SCRT2: variants seen among roughly 807,000 people sequenced by gnomAD.
SCRT2 encodes the protein transcriptional repressor scratch 2.
In SCRT2, 2 loss-of-function variants were observed where a neutral mutation model predicts 3.7. That is an observed-to-expected ratio of 0.54 (90% CI 0.22 to 1.70). SCRT2 has a LOEUF of 1.70. SCRT2 is among the 40% of genes most tolerant of loss of function. The pLI is 0.19. For missense variants in SCRT2, 456 were observed against 468.5 expected, an observed-to-expected ratio of 0.97 and a Z score of 0.25; for synonymous variants, 256 against 220.6, an observed-to-expected ratio of 1.16 and a Z score of -1.42.
rs1200927369 is a variant in SCRT2 at position 661,994 on chromosome 20, G to C, written c.*1677C>G. Reference sequence around the variant, plus strand: ...GAGGATCTGAGAGTCCAGGACTCCTGCCCCCAAGCTGGCTGCAGAGCAATG... The same window carrying C: ...GAGGATCTGAGAGTCCAGGACTCCTCCCCCCAAGCTGGCTGCAGAGCAATG... On this transcript the variant is annotated 3_prime_UTR_variant, in exon 2 of 2. Transcript: ENST00000246104. The C allele has an allele frequency of 6.5e-6, 1 of 152,756 alleles. No individual in the cohort carries two copies. The highest frequency in any genetic ancestry group is 1.9e-4 in the East Asian group (1 of 5,190). The allele number at this position is 152,756 out of a possible 1,614,324, so 9.5% of individuals were successfully genotyped here.
rs1984205702 is a variant in SCRT2, at chr20:667,890, A to G, written c.134-3429T>C. Among the ~76,000 whole-genome samples, 1 of 152,146 alleles carries G rather than the reference A, an allele frequency of 6.6e-6. No homozygotes were observed. Among genetic ancestry groups the G allele is most frequent in the South Asian group, 2.1e-4 (1 of 4,824 alleles). On this transcript the variant is annotated intron_variant, in intron 1 of 1. Coordinates refer to ENST00000246104, the MANE Select transcript of SCRT2 (RefSeq NM_033129.4). The surrounding 1 kb of genome is among the most constrained non-coding windows in gnomAD (Gnocchi z 4.4). ...TTTCTGGGCGGAATCTATACATGAC[A>G]AAGATGGACTGGAATGGTCTAAAGA...
chr20:673,957 C>T (rs1200167746), intron 1 of SCRT2, among the ~76,000 whole-genome samples: 1 of 152,230 alleles, frequency 6.6e-6, no homozygotes, highest in Non-Finnish European at 1.5e-5. Context: ...GGTCCACCCT[C>T]TGTCCTGCCA....
At chr20:671,628 G>A (rs1568656900) in intron 1 of SCRT2, among the ~76,000 whole-genome samples, 3 of 152,202 alleles carry the variant, frequency 2.0e-5, no homozygotes, top group South Asian at 4.1e-4. Flanking sequence ...GCGACTACCC[G>A]GCACCATCAG....
At chr20:672,414 T>C (rs868098609) in intron 1 of SCRT2, among the ~76,000 whole-genome samples, 1 of 137,678 alleles carries the variant, frequency 7.3e-6, no homozygotes, top group Non-Finnish European at 1.5e-5. Flanking sequence ...TGTGTGTGTG[T>C]GTGTGTGTGC....
chr20:672,336 T>C (rs926570720), intron 1 of SCRT2, among the ~76,000 whole-genome samples: 1 of 152,042 alleles, frequency 6.6e-6, no homozygotes, highest in Admixed American at 6.5e-5. Context: ...CCCTCTGTTC[T>C]GCCTGGCGGT....
Position 675,590 on chromosome 20 carries a change from G to A in SCRT2, c.12C>T (p.Ser4=), listed in dbSNP as rs1984510302. The change falls in exon 1 of 2, where the codon TCC becomes TCT. Residue 4 remains serine (S), a synonymous_variant. Transcript: ENST00000246104. This position sits in a 1 kb window ranked among gnomAD's most constrained non-coding sequence, Gnocchi z 6.9. Reference sequence around the variant, plus strand: ...CCCCTTTGATCTTCTTTACCAGGAAGGAGCGCGGCATGGCGCGGCCGGCGC... The same window carrying A: ...CCCCTTTGATCTTCTTTACCAGGAAAGAGCGCGGCATGGCGCGGCCGGCGC... MPR[S]FLVKKIKGDG... The A allele has an allele frequency of 2.3e-6, 3 of 1,321,360 alleles. No individual in the cohort carries two copies. In the East Asian group the frequency reaches 8.6e-5, roughly 38 times the overall value. 81.9% of individuals were successfully genotyped at this position (1,321,360 alleles called of 1,614,324 possible). A position where few individuals can be genotyped will look rare whatever the true frequency, so the allele number is the denominator to read the frequency against.
chr20:663,643 T>G lies in SCRT2; in HGVS notation c.*28A>C, dbSNP rs1462821524. 8.7e-6 allele frequency: 12 copies of G among 1,374,556 alleles called. No individual in the cohort carries two copies. Among genetic ancestry groups the G allele is most frequent in the Non-Finnish European group, 1.1e-5 (12 of 1,071,956 alleles). The allele number at this position is 1,374,556 out of a possible 1,614,324, so 85.1% of individuals were successfully genotyped here. The stretch of plus-strand genomic sequence containing the variant: ...GGGCCCGGGGCGCGTGGAGAGCGAG[T>G]TCCGGGCGCGAGGGCGAGGCGGAAG... On this transcript the variant is annotated 3_prime_UTR_variant, in exon 2 of 2. Transcript: ENST00000246104. The surrounding 1 kb of genome is among the most constrained non-coding windows in gnomAD (Gnocchi z 6.9).
rs997100330 is a variant in SCRT2, at chr20:662,094, G to C, written c.*1577C>G. On this transcript the variant is annotated 3_prime_UTR_variant, in exon 2 of 2. Transcript: ENST00000246104. ...GAGGTGTGTGCTTCGGTCCTCGCCC[G>C]GGCATGCAAAAGCGCAGCGGAGGAG... 2 of 152,944 alleles carry C rather than the reference G, an allele frequency of 1.3e-5. No homozygotes were observed. Among genetic ancestry groups the C allele is most frequent in the Non-Finnish European group, 2.9e-5 (2 of 68,298 alleles). The allele number at this position is 152,944 out of a possible 1,614,324, so 9.5% of individuals were successfully genotyped here.
chr20:663,992 G>C lies in SCRT2; in HGVS notation c.603C>G (p.Leu201=). ...CGKAYVSMPA[L]AMHLLTHNLR... ...GGTTGTGCGTGAGCAGGTGCATGGCGAGCGCGGGCATGGACACGTAGGCCT... is the reference window on the plus strand; with the variant it reads ...GGTTGTGCGTGAGCAGGTGCATGGCCAGCGCGGGCATGGACACGTAGGCCT... Residue 201 remains leucine, a synonymous_variant, in exon 2 of 2, where the codon CTC becomes CTG. Coordinates refer to ENST00000246104, the MANE Select transcript of SCRT2 (RefSeq NM_033129.4). The surrounding 1 kb of genome is among the most constrained non-coding windows in gnomAD (Gnocchi z 6.9). 3 of 1,611,372 alleles carry C rather than the reference G, an allele frequency of 1.9e-6. No homozygotes were observed. Among genetic ancestry groups the C allele is most frequent in the African/African-American group, 1.3e-5 (1 of 75,018 alleles).
rs371804341 is a variant in SCRT2 at position 664,134 on chromosome 20, C to T, written c.461G>A (p.Arg154Gln). The T allele has an allele frequency of 4.1e-6, 6 of 1,463,624 alleles. No individual in the cohort carries two copies. In the African/African-American group the frequency reaches 5.8e-5, roughly 14 times the overall value. The allele number at this position is 1,463,624 out of a possible 1,614,324, so 90.7% of individuals were successfully genotyped here. Reference sequence around the variant, plus strand: ...CTTGCCGCACTCGGCGCACGCGTGCCGGTGCCCGCCGCCCGCCTGCGCCCC... The same window carrying T: ...CTTGCCGCACTCGGCGCACGCGTGCTGGTGCCCGCCGCCCGCCTGCGCCCC... ...RAGAQAGGGH[R>Q]HACAECGKTY... The change falls in exon 2 of 2, where the codon CGG (arginine) becomes CAG (glutamine). Residue 154 changes from arginine to glutamine, a missense_variant. Transcript: ENST00000246104. The surrounding 1 kb of genome is among the most constrained non-coding windows in gnomAD (Gnocchi z 7.9).
At chr20:671,833 C>T (rs561374697) in intron 1 of SCRT2, among the ~76,000 whole-genome samples, 2 of 152,190 alleles carry the variant, frequency 1.3e-5, no homozygotes, top group East Asian at 1.9e-4. Context: ...GAGGGCAGGA[C>T]AGGGCGGGGA....
At position 675,661 on chromosome 20, in the gene SCRT2, T is replaced by C. The variant is rs1165648447; in HGVS notation, c.-60A>G. 4.3e-5 allele frequency: 51 copies of C among 1,195,242 alleles called. No individual in the cohort carries two copies. Among genetic ancestry groups the C allele is most frequent in the Non-Finnish European group, 5.2e-5 (49 of 947,392 alleles). The allele number at this position is 1,195,242 out of a possible 1,614,324, so 74.0% of individuals were successfully genotyped here. On this transcript the variant is annotated 5_prime_UTR_variant, in exon 1 of 2. Coordinates refer to ENST00000246104, the MANE Select transcript of SCRT2 (RefSeq NM_033129.4). The surrounding 1 kb of genome is among the most constrained non-coding windows in gnomAD (Gnocchi z 6.9). Reference sequence around the variant, plus strand: ...GGCCGGCCGGGCGCGATCGGCTGTGTCCGCGCGGGTTTTCAGCACTGGACA... The same window carrying C: ...GGCCGGCCGGGCGCGATCGGCTGTGCCCGCGCGGGTTTTCAGCACTGGACA...
At position 664,558 on chromosome 20, in the gene SCRT2, C is replaced by T; in HGVS notation, c.134-97G>A. ...CCCTTTGCGCCTTCCAGCTTGGCGC[C>T]CCTGTGGCAGCTCCGACAGTGGTGG... On this transcript the variant is annotated intron_variant, in intron 1 of 1. Transcript: ENST00000246104. The surrounding 1 kb of genome is among the most constrained non-coding windows in gnomAD (Gnocchi z 7.9). The T allele has an allele frequency of 2.2e-6, 2 of 899,066 alleles. No individual in the cohort carries two copies. Among genetic ancestry groups the T allele is most frequent in the Non-Finnish European group, 2.9e-6 (2 of 683,022 alleles). The allele number at this position is 899,066 out of a possible 1,614,324, so 55.7% of individuals were successfully genotyped here. A position where few individuals can be genotyped will look rare whatever the true frequency, so the allele number is the denominator to read the frequency against.
chr20:673,085 C>G (rs911795490), intron 1 of SCRT2, among the ~76,000 whole-genome samples: 2 of 152,232 alleles, frequency 1.3e-5, no homozygotes, highest in Non-Finnish European at 2.9e-5. Flanking sequence ...TAGGCTTGGT[C>G]TCTGGCACTG....
intron 1 of SCRT2, among the ~76,000 whole-genome samples, chr20:673,600 G>A (rs1466268678): frequency 1.3e-5 from 2 of 152,214 alleles, no homozygotes; most frequent in Non-Finnish European, 2.9e-5. Flanking sequence ...TAAACCCGGT[G>A]GAACCTCTGC....
At chr20:671,722 G>T (rs755736023) in intron 1 of SCRT2, among the ~76,000 whole-genome samples, 1 of 152,198 alleles carries the variant, frequency 6.6e-6, no homozygotes, top group Non-Finnish European at 1.5e-5. Context: ...TCCTCAGCTT[G>T]CTGGGGGAGG....
chr20:674,676 G>A (rs865852751), intron 1 of SCRT2, among the ~76,000 whole-genome samples: 4 of 149,460 alleles, frequency 2.7e-5, no homozygotes, highest in Non-Finnish European at 5.9e-5. Context: ...AACTTGTTCT[G>A]AGAAGAGATG....
intron 1 of SCRT2, among the ~76,000 whole-genome samples, chr20:673,824 G>C (rs1363341893): frequency 6.6e-6 from 1 of 152,198 alleles, no homozygotes; most frequent in Non-Finnish European, 1.5e-5. Flanking sequence ...CGGGGCTTCA[G>C]GGGGTGGAAT....
At chr20:674,756 C>T (rs1568659752) in intron 1 of SCRT2, among the ~76,000 whole-genome samples, 2 of 145,220 alleles carry the variant, frequency 1.4e-5, no homozygotes, top group East Asian at 4.2e-4. Context: ...AGGGGGCTTA[C>T]GAGGAGCAGC....
Sources: gnomAD v4.1 joint callset for allele counts (sites outside exome capture counted in the v4.1 genomes callset) on GRCh38, gnomAD v4.1.1 for gene constraint, Gnocchi (gnomAD v3.1) non-coding constraint, MANE v1.5 for transcripts, NCBI Gene and HGNC (gene_info 2026-07-23, HGNC 2026-07-21) for gene names.